Variants in CLSTN2 observed in about 807,000 individuals in gnomAD.
CLSTN2 encodes the protein calsyntenin 2.
Under a neutral mutation model 101.2 loss-of-function variants are expected in CLSTN2, and 48 were observed. The observed-to-expected ratio is 0.47, with a 90% CI of 0.38 to 0.60. The LOEUF is 0.60. Ranked by LOEUF, CLSTN2 falls within the 20% of genes least tolerant of loss-of-function variation. CLSTN2 has a pLI of 0.00. For synonymous variants in CLSTN2, 481 were observed against 463.6 expected (o/e 1.04, Z -0.48); for missense variants, 1,160 against 1,238.2 (o/e 0.94, Z 0.95).
At chr3:140,297,481 C>A (rs1425006924) in intron 2 of CLSTN2, among the ~76,000 whole-genome samples, 1 of 152,166 alleles carries the variant, frequency 6.6e-6, no homozygotes, top group Non-Finnish European at 1.5e-5. Flanking sequence ...GTGAATTAGT[C>A]ACTACAGACA....
At chr3:140,355,681 A>G (rs1022639103) in intron 2 of CLSTN2, among the ~76,000 whole-genome samples, 4 of 152,154 alleles carry the variant, frequency 2.6e-5, no homozygotes, top group Non-Finnish European at 5.9e-5. Context: ...AAGCATGGGG[A>G]AGTGACTAAG....
chr3:140,088,030 C>T (rs1010736445), intron 1 of CLSTN2, among the ~76,000 whole-genome samples: 1 of 152,140 alleles, frequency 6.6e-6, no homozygotes, highest in Non-Finnish European at 1.5e-5. Flanking sequence ...GGGGGCTCAA[C>T]AGGAGGCTAA....
At chr3:140,263,438 A>G (rs137904318) in intron 2 of CLSTN2, among the ~76,000 whole-genome samples, 1 of 152,258 alleles carries the variant, frequency 6.6e-6, no homozygotes, top group Non-Finnish European at 1.5e-5. Flanking sequence ...GCTCACCCCC[A>G]TGGGGTTCAC....
At position 140,571,656 on chromosome 3, in the gene CLSTN2, G is replaced by A. The variant is rs904149313; in HGVS notation, c.*5403G>A. ...TTGTCCAGCTGCAGGCAAAAGAAAT[G>A]AGCAATGAAAGTTTTGAAGTCTACC... On this transcript the variant is annotated 3_prime_UTR_variant, in exon 17 of 17. Transcript: ENST00000458420. 3 of 152,226 alleles carry A rather than the reference G, an allele frequency of 2.0e-5. No individual in the cohort carries two copies. The highest frequency in any genetic ancestry group is 6.5e-5 in the Admixed American group (1 of 15,286). 9.4% of individuals were successfully genotyped at this position (152,226 alleles called of 1,614,324 possible). A position where few individuals can be genotyped will look rare whatever the true frequency, so the allele number is the denominator to read the frequency against.
chr3:140,473,337 C>T (rs1222091380), intron 8 of CLSTN2, among the ~76,000 whole-genome samples: 4 of 152,182 alleles, frequency 2.6e-5, no homozygotes, highest in African/African-American at 9.7e-5. Context: ...ATAATGGTCC[C>T]CAAAGATGTC....
rs182237365 is a variant in CLSTN2 at position 140,543,732 on chromosome 3, A to G, written c.1508-2783A>G. 2.4e-4 allele frequency among the ~76,000 whole-genome samples: 36 copies of G among 152,342 alleles called. No individual in the cohort carries two copies. The East Asian group carries it at 6.8e-3, about 29-fold the overall frequency. On this transcript the variant is annotated intron_variant, in intron 9 of 16. Coordinates refer to ENST00000458420, the MANE Select transcript of CLSTN2 (RefSeq NM_022131.3). ...TCCCAGAACTGTGTCCAGGAAAGAG[A>G]GCAAGAATTTGTTCCAGAAACTTTC...
intron 2 of CLSTN2, among the ~76,000 whole-genome samples, chr3:140,192,662 C>G (rs1195006798): frequency 2.5e-5 from 3 of 118,976 alleles, no homozygotes; most frequent in Non-Finnish European, 5.9e-5. Context: ...TCTTTTTTTT[C>G]CATTTTTTTT....
chr3:139,954,474 C>T (rs1935353078), intron 1 of CLSTN2, among the ~76,000 whole-genome samples: 1 of 152,148 alleles, frequency 6.6e-6, no homozygotes, highest in Non-Finnish European at 1.5e-5. Flanking sequence ...GGGCTCAGGA[C>T]TCTGAAGGCT....
At chr3:140,074,452 C>A (rs1307461396) in intron 1 of CLSTN2, among the ~76,000 whole-genome samples, 1 of 152,134 alleles carries the variant, frequency 6.6e-6, no homozygotes, top group East Asian at 1.9e-4. Context: ...TAAATGACTG[C>A]CGAGCAGATG....
intron 5 of CLSTN2, among the ~76,000 whole-genome samples, chr3:140,432,506 G>A (rs1305705524): frequency 2.6e-5 from 4 of 152,220 alleles, no homozygotes; most frequent in Non-Finnish European, 5.9e-5. Context: ...TAAGGGGATT[G>A]CTCAGATCTT....
chr3:140,233,110 C>T (rs953984753), intron 2 of CLSTN2, among the ~76,000 whole-genome samples: 1 of 152,130 alleles, frequency 6.6e-6, no homozygotes, highest in Non-Finnish European at 1.5e-5. Context: ...GTGTAAATGC[C>T]TTTTGTCTTT....
rs76704140 is a variant in CLSTN2 at position 140,470,228 on chromosome 3, T to C, written c.1344+3497T>C. ...CTCTGTGTGGGGTACCTGGGATTAG[T>C]AGCTAAAATAAGAGTCTCTGTTCTT... On this transcript the variant is annotated intron_variant, in intron 8 of 16. Transcript: ENST00000458420. 1.3e-3 allele frequency among the ~76,000 whole-genome samples: 193 copies of C among 152,366 alleles called. 2 individuals are homozygous for C. In the East Asian group the frequency reaches 0.034, roughly 27 times the overall value.
chr3:140,470,783 G>A (rs567193561), intron 8 of CLSTN2, among the ~76,000 whole-genome samples: 98 of 152,282 alleles, frequency 6.4e-4, no homozygotes, highest in Non-Finnish European at 1.0e-3. Flanking sequence ...CTCATGCGGG[G>A]CCATTGAATG....
At chr3:140,139,485 G>T (rs1227909035) in intron 1 of CLSTN2, among the ~76,000 whole-genome samples, 7 of 152,030 alleles carry the variant, frequency 4.6e-5, no homozygotes, top group Admixed American at 3.9e-4. Flanking sequence ...GCTGCATATT[G>T]GAATCATCTG....
chr3:140,370,987 CTG>C (rs2087850140), intron 2 of CLSTN2, among the ~76,000 whole-genome samples: 1 of 152,144 alleles, frequency 6.6e-6, no homozygotes, highest in South Asian at 2.1e-4. Flanking sequence ...TTCTGAAGGT[CTG>C]TGATTTCTGC....
chr3:140,079,037 T>G (rs2008542199), intron 1 of CLSTN2, among the ~76,000 whole-genome samples: 1 of 152,218 alleles, frequency 6.6e-6, no homozygotes, highest in Admixed American at 6.5e-5. Context: ...TAGTTCTGTC[T>G]GTTAGCTGCA....
chr3:140,273,986 C>T (rs964086196), intron 2 of CLSTN2, among the ~76,000 whole-genome samples: 1 of 152,152 alleles, frequency 6.6e-6, no homozygotes, highest in Non-Finnish European at 1.5e-5. Context: ...CCATCATCCT[C>T]CTCAGGTGAC....
At chr3:140,523,850 G>C (rs1326119865) in intron 8 of CLSTN2, among the ~76,000 whole-genome samples, 1 of 152,110 alleles carries the variant, frequency 6.6e-6, no homozygotes, top group Non-Finnish European at 1.5e-5. Flanking sequence ...TGTTCGCTCT[G>C]TTCAACCACA....
chr3:140,035,660 C>T (rs1576404601), intron 1 of CLSTN2, among the ~76,000 whole-genome samples: 3 of 152,064 alleles, frequency 2.0e-5, no homozygotes, highest in African/African-American at 7.2e-5. Context: ...CTATGTAAGC[C>T]CCAGAATGGT....
Sources: allele counts gnomAD v4.1 joint callset (sites outside exome capture counted in the v4.1 genomes callset), GRCh38; gene constraint gnomAD v4.1.1; transcripts MANE v1.5; gene names NCBI Gene and HGNC (gene_info 2026-07-23, HGNC 2026-07-21).